The following CCDC112 variants were observed in gnomAD, a reference collection of about 807,000 sequenced individuals.
CCDC112 encodes coiled-coil domain-containing protein 112.
A neutral mutation model predicts 66.3 loss-of-function variants in CCDC112; 40 were observed. The observed-to-expected ratio is 0.60, with a 90% CI of 0.47 to 0.79. CCDC112 has a LOEUF of 0.79. CCDC112 is among the 30% of genes least tolerant of loss of function. CCDC112 has a pLI of 0.00. For synonymous variants in CCDC112, 214 were observed against 197.2 expected (o/e 1.09, Z -0.71); for missense variants, 659 against 603.8 (o/e 1.09, Z -0.96).
At chr5:115,293,479 A>G (rs1438503466) in intron 1 of CCDC112, among the ~76,000 whole-genome samples, 1 of 152,236 alleles carries the variant, frequency 6.6e-6, no homozygotes, top group African/African-American at 2.4e-5. Context: ...AATTAAAACA[A>G]AGGTGTTAGT....
In CCDC112 at chr5:115,276,013, T is replaced by C. The variant is rs1192291726; in HGVS notation, c.508A>G (p.Lys170Glu). 2 of 1,604,276 alleles carry C rather than the reference T, an allele frequency of 1.2e-6. No individual in the cohort carries two copies. The highest frequency in any genetic ancestry group is 2.7e-5 in the African/African-American group (2 of 74,622). Residue 170 changes from lysine (K) to glutamate (E), a missense_variant, in exon 5 of 10, where the codon AAA (lysine) becomes GAA (glutamate). Lys to Glu is a moderately conservative substitution (Grantham distance 56). Coordinates refer to ENST00000379611, the MANE Select transcript of CCDC112 (RefSeq NM_001040440.3). ...EEIENAINTF[K>E]EEQRLIYEEL... The stretch of plus-strand genomic sequence containing the variant: ...ACATACATCAACCTCTGCTCTTCTT[T>C]AAAAGTGTTAATTGCATTTTCAATT...
intron 6 of CCDC112, 149 bp downstream of exon 6, chr5:115,275,067 C>T (rs1296585459): frequency 6.2e-6 from 4 of 648,578 alleles, no homozygotes; most frequent in African/African-American, 1.8e-5. Flanking sequence ...TTCAATGCCT[C>T]AGTTTCATCT....
rs575105127 is a variant in CCDC112, at chr5:115,267,907, G to A, written c.1559C>T (p.Thr520Ile). The change falls in exon 10 of 10, where the codon ACC becomes ATC. Residue 520 changes from threonine (T) to isoleucine (I), a missense_variant. Transcript: ENST00000379611. ...LLHIPHRAIP[T>I]WRQGIQRRV The stretch of plus-strand genomic sequence containing the variant: ...TCTTCTCTGTATTCCTTGTCTCCAG[G>A]TTGGAATAGCCCTAAGGAGAAAAAG... 9 of 1,611,562 alleles carry A rather than the reference G, an allele frequency of 5.6e-6. No individual in the cohort carries two copies. In the South Asian group the frequency reaches 8.8e-5, roughly 16 times the overall value.
In CCDC112 at chr5:115,271,245, C is replaced by G. The variant is rs201580583; in HGVS notation, c.1300G>C (p.Ala434Pro). ...TGAAATCTGGAAATTTCATCAGCAG[C>G]ATTTTTCCTTTTTTCTGCCTTTTCT... The part of the protein sequence containing the change: ...KAEKAEKRKN[A>P]ADEISRFQER... Residue 434 changes from alanine to proline, a missense_variant, in exon 7 of 10, where the codon GCT becomes CCT. Coordinates refer to ENST00000379611, the MANE Select transcript of CCDC112 (RefSeq NM_001040440.3). 3.8e-6 allele frequency: 6 copies of G among 1,582,088 alleles called. No homozygotes were observed. The highest frequency in any genetic ancestry group is 5.1e-6 in the Non-Finnish European group (6 of 1,172,302).
rs1395059030 is a variant in CCDC112 at position 115,291,085 on chromosome 5, T to G, written c.117+5342A>C. Among the ~76,000 whole-genome samples the G allele has an allele frequency of 2.6e-5, 4 of 152,148 alleles. 1 individual carries two copies. The highest frequency in any genetic ancestry group is 2.6e-4 in the Admixed American group (4 of 15,276). On this transcript the variant is annotated intron_variant, in intron 1 of 9. Coordinates refer to ENST00000379611, the MANE Select transcript of CCDC112 (RefSeq NM_001040440.3). ...ATCATACGGAAACAGCTTTCCATAT[T>G]TGATCATTAAGTAATACGTTACTTA...
intron 1 of CCDC112, among the ~76,000 whole-genome samples, chr5:115,295,665 A>G (rs1001750079): frequency 4.6e-5 from 7 of 152,214 alleles, no homozygotes; most frequent in African/African-American, 1.4e-4. Context: ...AATACAATAA[A>G]GAATAAAATT....
chr5:115,293,421 T>C (rs1750019246), intron 1 of CCDC112, among the ~76,000 whole-genome samples: 1 of 152,236 alleles, frequency 6.6e-6, no homozygotes, highest in Admixed American at 6.5e-5. Flanking sequence ...CATCACACTG[T>C]ACCCCATAAA....
chr5:115,292,294 G>A (rs1168901593), intron 1 of CCDC112, among the ~76,000 whole-genome samples: 2 of 152,140 alleles, frequency 1.3e-5, no homozygotes, highest in Non-Finnish European at 2.9e-5. Context: ...AGTCTCTCTA[G>A]TGATGTTTTC....
intron 3 of CCDC112, among the ~76,000 whole-genome samples, chr5:115,278,998 A>G (rs920530044): frequency 1.3e-5 from 2 of 152,168 alleles, no homozygotes; most frequent in African/African-American, 4.8e-5. Context: ...AATGAAACAA[A>G]TATTCTCAAA....
chr5:115,276,415 T>C (rs946534203), intron 4 of CCDC112, among the ~76,000 whole-genome samples: 3 of 152,162 alleles, frequency 2.0e-5, no homozygotes, highest in Non-Finnish European at 4.4e-5. Flanking sequence ...AGACCTTTAA[T>C]TTGTTGCTTT....
intron 1 of CCDC112, among the ~76,000 whole-genome samples, chr5:115,292,990 A>G (rs779306018): frequency 1.2e-4 from 18 of 152,246 alleles, no homozygotes; most frequent in Non-Finnish European, 1.5e-4. Context: ...CAAACTCACC[A>G]TAAGTGCAGT....
chr5:115,288,331 G>C (rs72813849), intron 1 of CCDC112, among the ~76,000 whole-genome samples: 6,510 of 152,230 alleles, frequency 0.043, 146 homozygotes, highest in South Asian at 0.081. Context: ...TAAATTTGGA[G>C]GGAAATTTTC....
chr5:115,279,843 A>G (rs191082531), intron 2 of CCDC112, 75 bp from the exon 3 acceptor site: 1 of 794,984 alleles, frequency 1.3e-6, no homozygotes, highest in East Asian at 2.8e-5. Flanking sequence ...AAGACACTCA[A>G]TAATCCGTAT....
In CCDC112 at chr5:115,275,254, A is replaced by G. The variant is rs1203671230; in HGVS notation, c.880T>C (p.Tyr294His). ...TCTTCTAGAGCCAGAAACTTTTGAT[A>G]CCATTTTTCATGCTGTTGAACTTCA... The part of the protein sequence containing the change: ...QDEVQQHEKW[Y>H]QKFLALEERK... The change falls in exon 6 of 10, where the codon TAT becomes CAT. Residue 294 changes from tyrosine (Y) to histidine (H), a missense_variant. Tyr to His is a moderately conservative substitution (Grantham distance 83). Coordinates refer to ENST00000379611, the MANE Select transcript of CCDC112 (RefSeq NM_001040440.3). 1 of 1,610,848 alleles carries G rather than the reference A, an allele frequency of 6.2e-7. No individual in the cohort carries two copies. The highest frequency in any genetic ancestry group is 8.5e-7 in the Non-Finnish European group (1 of 1,179,194).
intron 1 of CCDC112, among the ~76,000 whole-genome samples, chr5:115,287,130 T>C (rs1749707384): frequency 6.6e-6 from 1 of 152,164 alleles, no homozygotes; most frequent in African/African-American, 2.4e-5. Flanking sequence ...GGCAGCACCA[T>C]TTTACATTCC....
At chr5:115,282,329 C>T (rs578200888) in intron 2 of CCDC112, among the ~76,000 whole-genome samples, 3 of 152,202 alleles carry the variant, frequency 2.0e-5, no homozygotes, top group South Asian at 2.1e-4. Context: ...AGCAGTTTTA[C>T]CTCTCATTTC....
chr5:115,271,333 A>AT lies in CCDC112; in HGVS notation c.1211dup (p.Tyr404Ter). 6.2e-7 allele frequency: 1 copy of AT among 1,613,214 alleles called. No individual in the cohort carries two copies. The highest frequency in any genetic ancestry group is 8.5e-7 in the Non-Finnish European group (1 of 1,179,886). ...CTTCCTGTTCTTTCTTCTGCTGGGTATAACTTTCTAGTAGTAATTTTAACT... is the reference window on the plus strand; with the variant it reads ...CTTCCTGTTCTTTCTTCTGCTGGGTATTAACTTTCTAGTAGTAATTTTAACT... Reference protein sequence around the residue: ...QFKLKLLLESYTQQKKEQEEF... With the variant: ...QFKLKLLLES Residue 404 changes from tyrosine (Y) to a stop codon, truncating the protein, a stop_gained and frameshift_variant, in exon 7 of 10, where the codon TAT (tyrosine) becomes TAAT (stop). Coordinates refer to ENST00000379611, the MANE Select transcript of CCDC112 (RefSeq NM_001040440.3). LOFTEE classifies it high-confidence loss of function.
chr5:115,283,801 T>C (rs940118807), intron 2 of CCDC112, among the ~76,000 whole-genome samples: 11 of 152,070 alleles, frequency 7.2e-5, no homozygotes, highest in African/African-American at 2.7e-4. Flanking sequence ...AGGCTCCTTT[T>C]CTCATGTCCT....
At position 115,269,759 on chromosome 5, in the gene CCDC112, CCTGT is replaced by C. The variant is rs757501941; in HGVS notation, c.1368_1371del (p.Ala458ArgfsTer15). On this transcript the variant is annotated frameshift_variant, in exon 8 of 10. Coordinates refer to ENST00000379611, the MANE Select transcript of CCDC112 (RefSeq NM_001040440.3). LOFTEE classifies it high-confidence loss of function. ...TTTTGTGACTTTTCATCTTCCTTTG[CCTGT>C]CTATCTAGAATTTTCAGTTCAAGTT... 8 of 1,595,094 alleles carry C rather than the reference CCTGT, an allele frequency of 5.0e-6. No homozygotes were observed. Among genetic ancestry groups the C allele is most frequent in the Non-Finnish European group, 6.8e-6 (8 of 1,173,262 alleles).
Sources: allele counts gnomAD v4.1 joint callset (sites outside exome capture counted in the v4.1 genomes callset), GRCh38; gene constraint gnomAD v4.1.1; transcripts MANE v1.5; gene names NCBI Gene and HGNC (gene_info 2026-07-23, HGNC 2026-07-21).